FAM124A: variants seen among roughly 807,000 people sequenced by gnomAD.
FAM124A encodes protein FAM124A.
Under a neutral mutation model 24.5 loss-of-function variants are expected in FAM124A, and 23 were observed. The ratio of observed to expected loss-of-function variants is 0.94; its 90% CI spans 0.68 to 1.33. The LOEUF is 1.33. Among genes scored for constraint, FAM124A ranks in the 40% most tolerant of loss-of-function variants. The pLI, the probability that FAM124A is intolerant of heterozygous loss-of-function variation, is 0.00. For missense variants in FAM124A, 623 were observed against 722.8 expected, an observed-to-expected ratio of 0.86 and a Z score of 1.58; for synonymous variants, 287 against 314.7, an observed-to-expected ratio of 0.91 and a Z score of 0.93.
At chr13:51,256,133 G>A (rs1954672186) in intron 3 of FAM124A, among the ~76,000 whole-genome samples, 1 of 152,208 alleles carries the variant, frequency 6.6e-6, no homozygotes, top group Admixed American at 6.5e-5. Flanking sequence ...TGTGAGCAAG[G>A]CCTTCTCCTT....
intron 2 of FAM124A, among the ~76,000 whole-genome samples, chr13:51,245,841 G>A (rs1318906655): frequency 6.6e-6 from 1 of 152,134 alleles, no homozygotes; most frequent in Non-Finnish European, 1.5e-5. Flanking sequence ...CATAATAAAT[G>A]GTTGCTATTG....
At chr13:51,250,731 C>G (rs1487056848) in intron 2 of FAM124A, among the ~76,000 whole-genome samples, 1 of 152,228 alleles carries the variant, frequency 6.6e-6, no homozygotes, top group Non-Finnish European at 1.5e-5. Flanking sequence ...CCCCAGTAAG[C>G]TCCAACAGCA....
rs199804822 is a variant in FAM124A at position 51,280,563 on chromosome 13, C to G, written c.948C>G (p.Gly316=). Residue 316 remains glycine, a synonymous_variant, in exon 4 of 4, where the codon GGC becomes GGG. Coordinates refer to ENST00000322475, the MANE Select transcript of FAM124A (RefSeq NM_001242312.2). ...CTGCTGTACCAAGCCATACACCTGG[C>G]AGCAGCCAGCAGTCCCCGCTCAACA... is the stretch of plus-strand genomic sequence containing the variant. ...PSTAVPSHTP[G]SSQQSPLNSP... The G allele has an allele frequency of 4.5e-5, 73 of 1,614,080 alleles. No homozygotes were observed. The East Asian group carries it at 1.6e-3, about 35-fold the overall frequency.
At position 51,281,318 on chromosome 13, in the gene FAM124A, C is replaced by T. The variant is rs1279269767; in HGVS notation, c.*62C>T. ...AGAGACACAGACTCAGGCCCCACTG[C>T]CCCTCTGGCCACTGAGCACACCACA... On this transcript the variant is annotated 3_prime_UTR_variant, in exon 4 of 4. Coordinates refer to ENST00000322475, the MANE Select transcript of FAM124A (RefSeq NM_001242312.2). The T allele has an allele frequency of 2.8e-5, 41 of 1,450,848 alleles. No individual in the cohort carries two copies. Among genetic ancestry groups the T allele is most frequent in the Non-Finnish European group, 3.5e-5 (38 of 1,088,846 alleles). 89.9% of individuals were successfully genotyped at this position (1,450,848 alleles called of 1,614,324 possible). A position where few individuals can be genotyped will look rare whatever the true frequency, so the allele number is the denominator to read the frequency against.
At chr13:51,240,772 A>G (rs949647516) in intron 2 of FAM124A, among the ~76,000 whole-genome samples, 2 of 152,244 alleles carry the variant, frequency 1.3e-5, no homozygotes, top group African/African-American at 2.4e-5. Flanking sequence ...GCTGAACTTC[A>G]TCTTGAGCTG....
At chr13:51,266,324 TTTTG>T (rs1406933096) in intron 3 of FAM124A, among the ~76,000 whole-genome samples, 1 of 152,168 alleles carries the variant, frequency 6.6e-6, no homozygotes, top group Non-Finnish European at 1.5e-5. Context: ...TTTTCCTTTT[TTTTG>T]TTTTTGTTTT....
chr13:51,244,031 A>T (rs961008206), intron 2 of FAM124A, among the ~76,000 whole-genome samples: 2 of 152,212 alleles, frequency 1.3e-5, no homozygotes, highest in African/African-American at 4.8e-5. Flanking sequence ...ATTCAACCTT[A>T]TGCAGCTCTC....
Position 51,251,859 on chromosome 13 carries a change from C to G in FAM124A, c.492C>G (p.Pro164=), listed in dbSNP as rs781296689. 1 of 1,613,150 alleles carries G rather than the reference C, an allele frequency of 6.2e-7. No homozygotes were observed. ...GGACGCCGCTTTGGGCCATCCGGCC[C>G]GTGCACTACGGCAAGGAAATCGTGC... ...APGTPLWAIR[P]VHYGKEIVRF... is the part of the protein sequence containing the mutation. Residue 164 remains proline, a synonymous_variant, in exon 3 of 4, where the codon CCC becomes CCG. Transcript: ENST00000322475. The surrounding 1 kb of genome is among the most constrained non-coding windows in gnomAD (Gnocchi z 5.3).
At chr13:51,259,148 G>A (rs1444937354) in intron 3 of FAM124A, among the ~76,000 whole-genome samples, 1 of 152,150 alleles carries the variant, frequency 6.6e-6, no homozygotes, top group Non-Finnish European at 1.5e-5. Context: ...CTCTACCTCA[G>A]GACGCTTGCA....
At chr13:51,252,462 C>G (rs1340585513) in intron 3 of FAM124A, 1 of 537,606 alleles carries the variant, frequency 1.9e-6, no homozygotes, top group Non-Finnish European at 3.3e-6. Context: ...TTCTGTCCTC[C>G]CCTATTGGGC....
chr13:51,245,509 T>C lies in FAM124A; in HGVS notation c.101-5959T>C, dbSNP rs1954549748. On this transcript the variant is annotated intron_variant, in intron 2 of 3. Transcript: ENST00000322475. ...ACATCTACAGCTCGAATTTTCAGAC[T>C]GCTCTTTGTTAGAAAAGAAATGATT... The C allele has an allele frequency of 1.1e-5, 5 of 442,594 alleles. No individual in the cohort carries two copies. In the South Asian group the frequency reaches 2.8e-4, roughly 25 times the overall value. The allele number at this position is 442,594 out of a possible 1,614,324, so 27.4% of individuals were successfully genotyped here.
At chr13:51,263,651 G>A (rs1329965465) in intron 3 of FAM124A, among the ~76,000 whole-genome samples, 3 of 152,172 alleles carry the variant, frequency 2.0e-5, no homozygotes, top group Admixed American at 6.5e-5. Flanking sequence ...GCAAGTCAAC[G>A]GTGCCCCTTC....
At chr13:51,264,568 G>A (rs1203543832) in intron 3 of FAM124A, among the ~76,000 whole-genome samples, 3 of 151,968 alleles carry the variant, frequency 2.0e-5, no homozygotes, top group Non-Finnish European at 4.4e-5. Flanking sequence ...AGGCCGCAGT[G>A]CTCTATGATC....
intron 3 of FAM124A, chr13:51,252,480 A>G: frequency 2.0e-6 from 1 of 503,776 alleles, no homozygotes; most frequent in Non-Finnish European, 3.5e-6. Context: ...GGCATCCACT[A>G]AACACCCATG....
chr13:51,264,069 C>A (rs1954761932), intron 3 of FAM124A, among the ~76,000 whole-genome samples: 1 of 152,144 alleles, frequency 6.6e-6, no homozygotes, highest in East Asian at 1.9e-4. Context: ...TTTCATGTGG[C>A]CAAGGACAAA....
intron 3 of FAM124A, among the ~76,000 whole-genome samples, chr13:51,256,548 G>A (rs1170197948): frequency 1.3e-5 from 2 of 152,116 alleles, no homozygotes; most frequent in Admixed American, 1.3e-4. Flanking sequence ...TCTTCTGCAT[G>A]CAGCAAGGAG....
At position 51,258,989 on chromosome 13, in the gene FAM124A, C is replaced by CG. The variant is rs1284416554; in HGVS notation, c.834+6792dup. Among the ~76,000 whole-genome samples the CG allele has an allele frequency of 6.6e-6, 1 of 152,106 alleles. No individual in the cohort carries two copies. Among genetic ancestry groups the CG allele is most frequent in the African/African-American group, 2.4e-5 (1 of 41,414 alleles). ...CACAATGGCCTGGGCAGGACGGGGCCGGGGCAGCCGTCAGGGTTCCGAGCT... is the reference window on the plus strand; with the variant it reads ...CACAATGGCCTGGGCAGGACGGGGCCGGGGGCAGCCGTCAGGGTTCCGAGCT... On this transcript the variant is annotated intron_variant, in intron 3 of 3. Transcript: ENST00000322475. This position sits in a 1 kb window ranked among gnomAD's most constrained non-coding sequence, Gnocchi z 4.2.
rs1954615076 is a variant in FAM124A, at chr13:51,251,127, C to CAAGT, written c.101-340_101-337dup. ...TTTCTAATGGGCCTGTTGTTCCTTC[C>CAAGT]AAGTCACTAGACTTGACTTTCTATT... is the stretch of plus-strand genomic sequence containing the variant. On this transcript the variant is annotated intron_variant, in intron 2 of 3. Transcript: ENST00000322475. This position sits in a 1 kb window ranked among gnomAD's most constrained non-coding sequence, Gnocchi z 5.3. Among the ~76,000 whole-genome samples the CAAGT allele has an allele frequency of 6.6e-6, 1 of 152,146 alleles. No individual in the cohort carries two copies. Among genetic ancestry groups the CAAGT allele is most frequent in the African/African-American group, 2.4e-5 (1 of 41,428 alleles).
At chr13:51,252,358 G>T (rs984965734) in intron 3 of FAM124A, 157 bp downstream of exon 3, 1 of 999,798 alleles carries the variant, frequency 1.0e-6, no homozygotes, top group South Asian at 1.8e-5. Context: ...GGCCATACAG[G>T]ATCCCAACAA....
Sources: allele counts gnomAD v4.1 joint callset (sites outside exome capture counted in the v4.1 genomes callset), GRCh38; gene constraint gnomAD v4.1.1; non-coding constraint Gnocchi (gnomAD v3.1); transcripts MANE v1.5; gene names NCBI Gene and HGNC (gene_info 2026-07-23, HGNC 2026-07-21).